The following EDIL3 variants were observed in gnomAD, a reference collection of about 807,000 sequenced individuals.
The protein encoded by EDIL3 is EGF like and discoidin domains 3.
EDIL3 carries 37 observed loss-of-function variants against 67.4 expected under a neutral mutation model. That is an observed-to-expected ratio of 0.55 (90% confidence interval 0.42 to 0.72). The LOEUF is 0.72. EDIL3 is among the 30% of genes least tolerant of loss of function. The pLI is 0.00. For missense variants in EDIL3, 527 were observed against 586.3 expected (o/e 0.90, Z 1.04); for synonymous variants, 195 against 196.3 (o/e 0.99, Z 0.05).
At chr5:84,052,112 C>A (rs553988119) in intron 9 of EDIL3, among the ~76,000 whole-genome samples, 53 of 152,182 alleles carry the variant, frequency 3.5e-4, no homozygotes, top group Non-Finnish European at 6.5e-4. Context: ...GCGGATCTCT[C>A]GGCAGAAACT....
intron 1 of EDIL3, among the ~76,000 whole-genome samples, chr5:84,346,136 T>TTTC (rs1554043522): frequency 2.1e-5 from 1 of 46,524 alleles, no homozygotes; most frequent in African/African-American, 6.8e-5. Context: ...TTTTTTTTTC[T>TTTC]TTTTTTTTTT....
chr5:84,084,573 C>G (rs769201932), intron 6 of EDIL3, among the ~76,000 whole-genome samples: 3 of 152,116 alleles, frequency 2.0e-5, no homozygotes, highest in Non-Finnish European at 2.9e-5. Flanking sequence ...ACTTATTTTT[C>G]CAGCTGTATC....
intron 5 of EDIL3, among the ~76,000 whole-genome samples, chr5:84,126,228 G>C (rs943259075): frequency 2.0e-5 from 3 of 151,958 alleles, no homozygotes; most frequent in Admixed American, 2.0e-4. Context: ...GGCCAGGACT[G>C]GACATTCAAT....
At position 84,008,843 on chromosome 5, in the gene EDIL3, CGCTCTGTCACCCAG is replaced by C. The variant is rs566982519; in HGVS notation, c.1138-45497_1138-45484del. 2.0e-5 allele frequency among the ~76,000 whole-genome samples: 3 copies of C among 152,204 alleles called. No individual in the cohort carries two copies. The South Asian group carries it at 6.2e-4, about 32-fold the overall frequency. ...TTGTTTGTGGGGGGAAACAGGGTCT[CGCTCTGTCACCCAG>C]GCTAGAATGCAGTGATGGGATCTCA... On this transcript the variant is annotated intron_variant, in intron 9 of 10. Coordinates refer to ENST00000296591, the MANE Select transcript of EDIL3 (RefSeq NM_005711.5).
chr5:83,966,210 G>A (rs184644291), intron 9 of EDIL3, among the ~76,000 whole-genome samples: 1 of 152,094 alleles, frequency 6.6e-6, no homozygotes, highest in Admixed American at 6.6e-5. Flanking sequence ...ACTATTTAGG[G>A]CACTGAGCTG....
chr5:84,117,062 C>T (rs937481187), intron 5 of EDIL3, among the ~76,000 whole-genome samples: 2 of 120,362 alleles, frequency 1.7e-5, no homozygotes, highest in Non-Finnish European at 3.2e-5. Flanking sequence ...GAGTCTCGCT[C>T]TGTGGCCCAG....
At chr5:84,005,149 A>G (rs1015549256) in intron 9 of EDIL3, among the ~76,000 whole-genome samples, 3 of 152,118 alleles carry the variant, frequency 2.0e-5, no homozygotes, top group African/African-American at 7.2e-5. Context: ...TGAAACCCTG[A>G]ACAGATCAAT....
At chr5:84,022,146 TAGA>T (rs1745729266) in intron 9 of EDIL3, among the ~76,000 whole-genome samples, 2 of 151,868 alleles carry the variant, frequency 1.3e-5, no homozygotes, top group African/African-American at 4.8e-5. Context: ...ATGATGAATA[TAGA>T]TGCAAAAATC....
At chr5:83,995,366 C>T (rs1413099178) in intron 9 of EDIL3, among the ~76,000 whole-genome samples, 1 of 152,184 alleles carries the variant, frequency 6.6e-6, no homozygotes, top group African/African-American at 2.4e-5. Context: ...GGCATTTATT[C>T]CACGAGGGTC....
rs1362150123 is a variant in EDIL3 at position 84,362,352 on chromosome 5, T to C, written c.67+21956A>G. On this transcript the variant is annotated intron_variant, in intron 1 of 10. Transcript: ENST00000296591. ...GTGAATAAGGCTTACATTTTTAAAT[T>C]GTATCTTCCTCATTGTCAGTATCTT... is the stretch of plus-strand genomic sequence containing the variant. 3.9e-5 allele frequency among the ~76,000 whole-genome samples: 6 copies of C among 152,104 alleles called. No individual in the cohort carries two copies. In the East Asian group the frequency reaches 1.2e-3, roughly 29 times the overall value.
At chr5:83,967,404 A>C (rs527697191) in intron 9 of EDIL3, among the ~76,000 whole-genome samples, 62 of 152,160 alleles carry the variant, frequency 4.1e-4, no homozygotes, top group Non-Finnish European at 7.8e-4. Flanking sequence ...ATGGAGATAT[A>C]GCTTTAAAGT....
chr5:84,231,358 G>T (rs900034345), intron 2 of EDIL3, among the ~76,000 whole-genome samples: 2 of 152,204 alleles, frequency 1.3e-5, no homozygotes, highest in African/African-American at 4.8e-5. Context: ...CTGTGAAGAA[G>T]TATTTCTGCT....
At chr5:84,202,513 G>A (rs901673017) in intron 3 of EDIL3, among the ~76,000 whole-genome samples, 63 of 152,304 alleles carry the variant, frequency 4.1e-4, no homozygotes, top group Non-Finnish European at 2.9e-4. Context: ...ACATAGCAGG[G>A]AGTGGACCTG....
rs1177616777 is a variant in EDIL3, at chr5:84,066,114, CAA to C, written c.807+335_807+336del. On this transcript the variant is annotated intron_variant, in intron 7 of 10. Transcript: ENST00000296591. ...TGGGCAACAGAGTGAGACTTTGTCT[CAA>C]AAAAAAAAAAAAAAAAAGTGCGTTA... Among the ~76,000 whole-genome samples the C allele has an allele frequency of 3.8e-3, 243 of 63,150 alleles. 2 individuals are homozygous for C. The highest frequency in any genetic ancestry group is 0.011 in the African/African-American group (227 of 21,420). 41.4% of individuals were successfully genotyped at this position (63,150 alleles called of 152,430 possible). A position where few individuals can be genotyped will look rare whatever the true frequency, so the allele number is the denominator to read the frequency against.
chr5:84,021,743 C>A (rs1301246638), intron 9 of EDIL3, among the ~76,000 whole-genome samples: 1 of 151,820 alleles, frequency 6.6e-6, no homozygotes, highest in Non-Finnish European at 1.5e-5. Flanking sequence ...AACAGAAATA[C>A]AAAAGATCAC....
At chr5:84,022,830 TA>T (rs1281937852) in intron 9 of EDIL3, among the ~76,000 whole-genome samples, 2 of 151,962 alleles carry the variant, frequency 1.3e-5, no homozygotes, top group Admixed American at 1.3e-4. Flanking sequence ...AAATAAATAC[TA>T]AAGTTCAATA....
At chr5:84,126,922 A>G (rs1262089503) in intron 5 of EDIL3, among the ~76,000 whole-genome samples, 3 of 152,134 alleles carry the variant, frequency 2.0e-5, no homozygotes, top group Non-Finnish European at 2.9e-5. Flanking sequence ...TTGGAAAAGG[A>G]AATAGCATTA....
At chr5:83,990,978 G>A (rs1180476845) in intron 9 of EDIL3, among the ~76,000 whole-genome samples, 1 of 152,068 alleles carries the variant, frequency 6.6e-6, no homozygotes, top group Non-Finnish European at 1.5e-5. Context: ...AATGGATAGT[G>A]TAAGAGTTTT....
intron 3 of EDIL3, among the ~76,000 whole-genome samples, chr5:84,224,980 A>C (rs1477614214): frequency 6.6e-6 from 1 of 151,566 alleles, no homozygotes; most frequent in Non-Finnish European, 1.5e-5. Context: ...AGCTTGAAGA[A>C]ATTTCTCTAT....
Sources: gnomAD v4.1 joint callset for allele counts (sites outside exome capture counted in the v4.1 genomes callset) on GRCh38, gnomAD v4.1.1 for gene constraint, MANE v1.5 for transcripts, NCBI Gene and HGNC (gene_info 2026-07-23, HGNC 2026-07-21) for gene names.